Variants in HK2 observed in about 807,000 individuals in gnomAD.
The protein encoded by HK2 is hexokinase-2.
HK2 carries 42 observed loss-of-function variants against 92.9 expected under a neutral mutation model. The ratio of observed to expected loss-of-function variants is 0.45; its 90% CI spans 0.35 to 0.58. HK2 has a LOEUF of 0.58. Among genes scored for constraint, HK2 ranks in the 20% least tolerant of loss-of-function variants. The probability of loss-of-function intolerance (pLI) is 0.00; values close to 1 mark genes in which losing one functional copy is unlikely to be tolerated. For synonymous variants in HK2, 422 were observed against 468.0 expected, an observed-to-expected ratio of 0.90 and a Z score of 1.27; for missense variants, 978 against 1,245.1, an observed-to-expected ratio of 0.79 and a Z score of 3.23.
intron 1 of HK2, among the ~76,000 whole-genome samples, chr2:74,838,770 C>T (rs888943277): frequency 1.3e-5 from 2 of 152,072 alleles, no homozygotes; most frequent in African/African-American, 2.4e-5. Context: ...AATCTCCTGA[C>T]CTCGTGATCT....
chr2:74,854,543 C>T, intron 2 of HK2, 88 bp downstream of exon 2: 1 of 1,408,234 alleles, frequency 7.1e-7, no homozygotes, highest in Non-Finnish European at 1.0e-6. Flanking sequence ...AACTCAAAAG[C>T]CTCAGAAACC....
Position 74,873,769 on chromosome 2 carries a change from G to C in HK2, c.592-75G>C, listed in dbSNP as rs1378170086. On this transcript the variant is annotated intron_variant, in intron 5 of 17. Transcript: ENST00000290573. ...AGAAGGAGGAGGAGGAGGAGGAGGA[G>C]TGATATATAGCTGGTGTTAGGAAAG... 7 of 912,172 alleles carry C rather than the reference G, an allele frequency of 7.7e-6. No individual in the cohort carries two copies. In the Admixed American group the frequency reaches 9.0e-5, roughly 12 times the overall value. 56.5% of individuals were successfully genotyped at this position (912,172 alleles called of 1,614,324 possible).
At position 74,891,786 on chromosome 2, in the gene HK2, TAATG is replaced by T. The variant is rs28363067; in HGVS notation, c.*850_*853del. ...AGATCTGCTTCTTCATCTTGACATGTAATGAATGGTCAGTTGTACGTAATGTATT... is the reference window on the plus strand; with the variant it reads ...AGATCTGCTTCTTCATCTTGACATGTAATGGTCAGTTGTACGTAATGTATT... On this transcript the variant is annotated 3_prime_UTR_variant, in exon 18 of 18. Coordinates refer to ENST00000290573, the MANE Select transcript of HK2 (RefSeq NM_000189.5). 0.64 allele frequency: 97,229 copies of T among 152,060 alleles called. 32,544 individuals carry two copies. Among genetic ancestry groups the T allele is most frequent in the African/African-American group, 0.86 (35,568 of 41,306 alleles). 9.4% of individuals were successfully genotyped at this position (152,060 alleles called of 1,614,324 possible).
intron 1 of HK2, among the ~76,000 whole-genome samples, chr2:74,842,516 G>A (rs1008707907): frequency 6.6e-6 from 1 of 152,130 alleles, no homozygotes; most frequent in South Asian, 2.1e-4. Flanking sequence ...TGCACCGTCC[G>A]CCTGGACAGG....
chr2:74,854,949 G>A (rs538275668), intron 2 of HK2, among the ~76,000 whole-genome samples: 1 of 152,294 alleles, frequency 6.6e-6, no homozygotes, highest in Non-Finnish European at 1.5e-5. Context: ...CATGTAAAAA[G>A]TACTAGAAAT....
chr2:74,841,343 G>C (rs1362223449), intron 1 of HK2, among the ~76,000 whole-genome samples: 1 of 151,640 alleles, frequency 6.6e-6, no homozygotes, highest in Non-Finnish European at 1.5e-5. Context: ...AGTAAGCAGA[G>C]GCTAGGAATG....
At chr2:74,877,454 C>A in intron 8 of HK2, 133 bp downstream of exon 8, 1 of 983,778 alleles carries the variant, frequency 1.0e-6, no homozygotes, top group Non-Finnish European at 1.6e-6. Flanking sequence ...TGACGTGGAC[C>A]ATGGCGGGCC....
rs1028213527 is a variant in HK2 at position 74,854,439 on chromosome 2, C to T, written c.210C>T (p.Ser70=). The T allele has an allele frequency of 1.1e-5, 17 of 1,614,194 alleles. No homozygotes were observed. The highest frequency in any genetic ancestry group is 1.4e-5 in the Non-Finnish European group (16 of 1,180,040). Residue 70 remains serine (S), a synonymous_variant, in exon 2 of 18, where the codon TCC becomes TCT. Coordinates refer to ENST00000290573, the MANE Select transcript of HK2 (RefSeq NM_000189.5). ...AVKMLPTFVR[S]TPDGTEHGEF... ...AGATGCTGCCCACCTTTGTGAGGTC[C>T]ACTCCAGATGGGACAGGTACTGCAT...
At chr2:74,858,744 T>G (rs1688748454) in intron 2 of HK2, among the ~76,000 whole-genome samples, 1 of 152,244 alleles carries the variant, frequency 6.6e-6, no homozygotes, top group Admixed American at 6.5e-5. Flanking sequence ...CAGCTCCAAT[T>G]ATCTAATTGT....
At chr2:74,879,202 A>G (rs1248188813) in intron 9 of HK2, among the ~76,000 whole-genome samples, 1 of 151,988 alleles carries the variant, frequency 6.6e-6, no homozygotes, top group Non-Finnish European at 1.5e-5. Flanking sequence ...TGTATGCGTT[A>G]TTGTTCCTGT....
intron 10 of HK2, 55 bp from the exon 11 acceptor site, chr2:74,881,656 T>C (rs968586669): frequency 3.1e-6 from 5 of 1,587,832 alleles, no homozygotes; most frequent in Non-Finnish European, 4.3e-6. Context: ...GTGTACTGTC[T>C]CCACATTCCC....
Position 74,861,083 on chromosome 2 carries a change from A to T in HK2, c.227-6553A>T, listed in dbSNP as rs183706870. Among the ~76,000 whole-genome samples, 233 of 152,304 alleles carry T rather than the reference A, an allele frequency of 1.5e-3. 2 individuals carry two copies. The highest frequency in any genetic ancestry group is 5.3e-3 in the African/African-American group (222 of 41,572). Reference sequence around the variant, plus strand: ...TTCTGTCAGGGGCCCCACCACACACATAGGGGCCACACATAGGGGCCTGGC... The same window carrying T: ...TTCTGTCAGGGGCCCCACCACACACTTAGGGGCCACACATAGGGGCCTGGC... On this transcript the variant is annotated intron_variant, in intron 2 of 17. Coordinates refer to ENST00000290573, the MANE Select transcript of HK2 (RefSeq NM_000189.5).
intron 13 of HK2, 79 bp from the exon 14 acceptor site, chr2:74,886,215 G>A: frequency 1.0e-6 from 1 of 1,004,258 alleles, no homozygotes; most frequent in Non-Finnish European, 1.6e-6. Context: ...TTATATACCT[G>A]TAAATCTCCC....
At chr2:74,835,834 C>T (rs533731450) in intron 1 of HK2, among the ~76,000 whole-genome samples, 2 of 152,192 alleles carry the variant, frequency 1.3e-5, no homozygotes, top group African/African-American at 4.8e-5. Context: ...CTGATGGGAA[C>T]ACATTTTTGG....
Position 74,889,309 on chromosome 2 carries a change from G to C in HK2, c.2440G>C (p.Asp814His), listed in dbSNP as rs1411226092. Residue 814 changes from aspartate to histidine, a missense_variant, in exon 17 of 18, where the codon GAC (aspartate) becomes CAC (histidine). Asp to His is a moderately conservative substitution (Grantham distance 81). This residue lies in a region of HK2 where 742 missense variants were observed against 922.5 expected (regional missense o/e 0.80). Transcript: ENST00000290573. ...LQHLGLESTC[D>H]DSIIVKEVCT... ...ACACTTAGGGCTTGAGAGCACCTGT[G>C]ACGACAGCATCATTGTTAAGGAGGT... 1.2e-6 allele frequency: 2 copies of C among 1,614,124 alleles called. No individual in the cohort carries two copies. Among genetic ancestry groups the C allele is most frequent in the African/African-American group, 2.7e-5 (2 of 74,930 alleles).
In HK2 at chr2:74,891,419, C is replaced by T. The variant is rs940147442; in HGVS notation, c.*478C>T. 6 of 183,322 alleles carry T rather than the reference C, an allele frequency of 3.3e-5. No homozygotes were observed. Among genetic ancestry groups the T allele is most frequent in the East Asian group, 1.4e-4 (1 of 6,994 alleles). The allele number at this position is 183,322 out of a possible 1,614,324, so 11.4% of individuals were successfully genotyped here. ...TGAGCCTGATTATCCTATAGGCAGA[C>T]GTGGGGAGGGTGGAGGGGTGACAGT... On this transcript the variant is annotated 3_prime_UTR_variant, in exon 18 of 18. Transcript: ENST00000290573.
chr2:74,836,476 T>TGA (rs1390051868), intron 1 of HK2, among the ~76,000 whole-genome samples: 1 of 152,230 alleles, frequency 6.6e-6, no homozygotes, highest in East Asian at 1.9e-4. Context: ...CTTTGTGAAA[T>TGA]GCAATAATAA....
chr2:74,851,672 G>T (rs1688571750), intron 1 of HK2, among the ~76,000 whole-genome samples: 2 of 152,162 alleles, frequency 1.3e-5, no homozygotes, highest in African/African-American at 4.8e-5. Flanking sequence ...GAGGGTGGAG[G>T]TGGGGCGGGG....
At chr2:74,874,981 C>T (rs1689190016) in intron 7 of HK2, among the ~76,000 whole-genome samples, 1 of 152,186 alleles carries the variant, frequency 6.6e-6, no homozygotes. Flanking sequence ...TCACTTGGAC[C>T]TTGGCCCAAC....
Sources: gnomAD v4.1 joint callset for allele counts (sites outside exome capture counted in the v4.1 genomes callset) on GRCh38, gnomAD v4.1.1 for gene constraint, gnomAD v4.1.1 regional missense constraint, MANE v1.5 for transcripts, NCBI Gene and HGNC (gene_info 2026-07-23, HGNC 2026-07-21) for gene names.